The following MAPK8 variants were observed in gnomAD, a reference collection of about 807,000 sequenced individuals.
MAPK8 encodes the protein mitogen-activated protein kinase 8, also known as JUN N-terminal kinase.
In MAPK8, 13 loss-of-function variants were observed where a neutral mutation model predicts 52.9. The ratio of observed to expected loss-of-function variants is 0.25; its 90% CI spans 0.16 to 0.39. MAPK8 has a LOEUF of 0.39. Ranked by LOEUF, MAPK8 falls within the 10% of genes least tolerant of loss-of-function variation. MAPK8 has a pLI of 1.00. For missense variants in MAPK8, 300 were observed against 519.2 expected, an observed-to-expected ratio of 0.58 and a Z score of 4.10; for synonymous variants, 191 against 169.8, an observed-to-expected ratio of 1.12 and a Z score of -0.97.
At chr10:48,308,214 A>G (rs547786940) in intron 1 of MAPK8, 1 of 152,352 alleles carries the variant, frequency 6.6e-6, no homozygotes, top group East Asian at 1.9e-4. Context: ...TGACAAAAGC[A>G]AGCAATCAAA....
intron 1 of MAPK8, among the ~76,000 whole-genome samples, chr10:48,398,486 T>C (rs724124): frequency 0.17 from 25,424 of 152,162 alleles, 3,075 homozygotes; most frequent in African/African-American, 0.31. Flanking sequence ...ACCTCTCACA[T>C]GTTGCTGGTG....
At chr10:48,359,658 G>A (rs900975685) in intron 1 of MAPK8, among the ~76,000 whole-genome samples, 5 of 152,148 alleles carry the variant, frequency 3.3e-5, no homozygotes, top group Non-Finnish European at 7.3e-5. Context: ...CACCATTGCA[G>A]ATCACTAAGG....
rs77090574 is a variant in MAPK8, at chr10:48,425,191, G to A, written c.689-697G>A. 2,553 of 768,304 alleles carry A rather than the reference G, an allele frequency of 3.3e-3. 52 individuals carry two copies. The African/African-American group carries it at 0.039, about 12-fold the overall frequency. 47.6% of individuals were successfully genotyped at this position (768,304 alleles called of 1,614,324 possible). A position where few individuals can be genotyped will look rare whatever the true frequency, so the allele number is the denominator to read the frequency against. ...AGAATTGTTTCAGGAGGAAGAATGGGAAAAGGCATATTCACAAGGTTACAA... is the reference window on the plus strand; with the variant it reads ...AGAATTGTTTCAGGAGGAAGAATGGAAAAAGGCATATTCACAAGGTTACAA... On this transcript the variant is annotated intron_variant, in intron 7 of 11. Coordinates refer to ENST00000374189, the MANE Select transcript of MAPK8 (RefSeq NM_001323329.2).
chr10:48,369,439 C>T (rs1213841813), intron 1 of MAPK8, among the ~76,000 whole-genome samples: 3 of 152,068 alleles, frequency 2.0e-5, no homozygotes, highest in Non-Finnish European at 2.9e-5. Context: ...GGATTGAAGA[C>T]GAAGAATTTA....
At chr10:48,384,453 C>CT (rs2041193444) in intron 1 of MAPK8, among the ~76,000 whole-genome samples, 1 of 152,154 alleles carries the variant, frequency 6.6e-6, no homozygotes, top group African/African-American at 2.4e-5. Context: ...ATTTTGGACA[C>CT]TGATTTTGTT....
At chr10:48,376,076 A>ATC (rs2040643356) in intron 1 of MAPK8, among the ~76,000 whole-genome samples, 2 of 152,222 alleles carry the variant, frequency 1.3e-5, no homozygotes, top group South Asian at 4.1e-4. Context: ...AGCCTCAGAA[A>ATC]TAACACCACA....
At position 48,419,795 on chromosome 10, in the gene MAPK8, T is replaced by C. The variant is rs576878191; in HGVS notation, c.451-360T>C. Among the ~76,000 whole-genome samples, 13 of 152,366 alleles carry C rather than the reference T, an allele frequency of 8.5e-5. No homozygotes were observed. In the South Asian group the frequency reaches 1.0e-3, roughly 12 times the overall value. The stretch of plus-strand genomic sequence containing the variant: ...TTTTAAAAATATTGGTAATATGTTA[T>C]GCAAATGAATATAAATGCTAACTTA... On this transcript the variant is annotated intron_variant, in intron 5 of 11. Coordinates refer to ENST00000374189, the MANE Select transcript of MAPK8 (RefSeq NM_001323329.2).
intron 1 of MAPK8, among the ~76,000 whole-genome samples, chr10:48,322,720 T>C: frequency 6.6e-6 from 1 of 152,160 alleles, no homozygotes; most frequent in Non-Finnish European, 1.5e-5. Context: ...CAAGCTCAGC[T>C]TCTCAGCCAC....
intron 1 of MAPK8, among the ~76,000 whole-genome samples, chr10:48,367,551 A>G (rs1423155780): frequency 6.6e-6 from 1 of 152,096 alleles, no homozygotes; most frequent in Non-Finnish European, 1.5e-5. Flanking sequence ...GCAGACAAAG[A>G]TAATTTTATT....
At chr10:48,429,811 T>C (rs761047503) in intron 10 of MAPK8, 10 of 152,242 alleles carry the variant, frequency 6.6e-5, no homozygotes, top group Non-Finnish European at 8.8e-5. Context: ...AATATAAATG[T>C]CATACTCTGT....
At chr10:48,329,517 T>TAAA (rs397814434) in intron 1 of MAPK8, among the ~76,000 whole-genome samples, 1 of 149,868 alleles carries the variant, frequency 6.7e-6, no homozygotes, top group African/African-American at 2.5e-5. Context: ...CCTTTTTTTT[T>TAAA]AAAAAAAAAA....
intron 1 of MAPK8, among the ~76,000 whole-genome samples, chr10:48,323,864 A>G (rs554700760): frequency 2.2e-4 from 34 of 152,298 alleles, no homozygotes; most frequent in Middle Eastern, 3.4e-3. Context: ...TTTTGGCTCC[A>G]TCTTCCAGTA....
chr10:48,324,304 G>A (rs1020799842), intron 1 of MAPK8, among the ~76,000 whole-genome samples: 30 of 152,058 alleles, frequency 2.0e-4, no homozygotes, highest in African/African-American at 5.6e-4. Flanking sequence ...AGGTGTTTTC[G>A]TGCATGGATA....
At chr10:48,382,884 A>ATG (rs1223244548) in intron 1 of MAPK8, among the ~76,000 whole-genome samples, 11 of 145,036 alleles carry the variant, frequency 7.6e-5, no homozygotes, top group Non-Finnish European at 9.0e-5. Context: ...CAGGCTAGCT[A>ATG]TGTGTATATA....
chr10:48,381,228 T>C (rs2040982717), intron 1 of MAPK8, among the ~76,000 whole-genome samples: 1 of 152,184 alleles, frequency 6.6e-6, no homozygotes, highest in Non-Finnish European at 1.5e-5. Flanking sequence ...TTTTCATGAA[T>C]CTTTTATAAA....
At chr10:48,360,375 T>G (rs1158597544) in intron 1 of MAPK8, among the ~76,000 whole-genome samples, 4 of 152,144 alleles carry the variant, frequency 2.6e-5, no homozygotes, top group South Asian at 4.2e-4. Context: ...GGAAAATTGG[T>G]TTTTTTATCA....
intron 1 of MAPK8, among the ~76,000 whole-genome samples, chr10:48,311,326 G>C (rs915183637): frequency 2.0e-4 from 31 of 152,146 alleles, no homozygotes; most frequent in Admixed American, 7.2e-4. Flanking sequence ...TCTCTGGGGG[G>C]TTTATTTAAA....
At chr10:48,386,933 T>C (rs562009246) in intron 1 of MAPK8, among the ~76,000 whole-genome samples, 3 of 152,246 alleles carry the variant, frequency 2.0e-5, no homozygotes, top group Non-Finnish European at 4.4e-5. Context: ...TGAATTAGCT[T>C]ACTGATTTCA....
chr10:48,365,447 T>C (rs1452462993), intron 1 of MAPK8, among the ~76,000 whole-genome samples: 3 of 152,178 alleles, frequency 2.0e-5, no homozygotes, highest in Non-Finnish European at 4.4e-5. Context: ...ATTTGTATCC[T>C]CCATATCACC....
Sources: gnomAD v4.1 joint callset for allele counts (sites outside exome capture counted in the v4.1 genomes callset) on GRCh38, gnomAD v4.1.1 for gene constraint, MANE v1.5 for transcripts, NCBI Gene and HGNC (gene_info 2026-07-23, HGNC 2026-07-21) for gene names.